CTNNA2: variants seen among roughly 807,000 people sequenced by gnomAD.
CTNNA2 encodes the protein catenin alpha-2.
A neutral mutation model predicts 101.0 loss-of-function variants in CTNNA2; 42 were observed. That is an observed-to-expected ratio of 0.42 (90% confidence interval 0.32 to 0.54). The LOEUF (loss-of-function observed/expected upper bound fraction) is 0.54, where lower values mean the gene tolerates loss of function less well. Ranked by LOEUF, CTNNA2 falls within the 20% of genes least tolerant of loss-of-function variation. The pLI is 0.14. For missense variants in CTNNA2, 871 were observed against 1,223.1 expected (o/e 0.71, Z 4.29); for synonymous variants, 450 against 456.4 (o/e 0.99, Z 0.18).
chr2:79,660,496 G>C (rs1426984452), intron 2 of CTNNA2, among the ~76,000 whole-genome samples: 1 of 151,632 alleles, frequency 6.6e-6, no homozygotes, highest in Non-Finnish European at 1.5e-5. Context: ...TATTTTTATT[G>C]TTTTATAAAT....
At chr2:79,748,909 G>A (rs979184322) in intron 3 of CTNNA2, among the ~76,000 whole-genome samples, 2 of 152,062 alleles carry the variant, frequency 1.3e-5, no homozygotes, top group Non-Finnish European at 2.9e-5. Flanking sequence ...CTCTGATGGG[G>A]ATGACGCCAG....
rs905023631 is a variant in CTNNA2, at chr2:79,395,218, C to T, written c.-135+21205C>T. ...CACCTTTCCTAAGGCCTTTCTTTGT[C>T]GTGAAAATATTGACAATATTTTCTT... On this transcript the variant is annotated intron_variant, in intron 4 of 21. Coordinates refer to the CTNNA2 transcript ENST00000466387. Among the ~76,000 whole-genome samples the T allele has an allele frequency of 2.0e-5, 3 of 152,000 alleles. No homozygotes were observed. The South Asian group carries it at 6.2e-4, about 32-fold the overall frequency.
intron 4 of CTNNA2, among the ~76,000 whole-genome samples, chr2:79,488,339 AAAAAC>A (rs1573189388): frequency 6.6e-6 from 1 of 151,296 alleles, no homozygotes. Context: ...AAAAAAAAAA[AAAAAC>A]ACAGTTCAAA....
chr2:80,472,370 T>A (rs1315597353), intron 9 of CTNNA2, among the ~76,000 whole-genome samples: 1 of 152,186 alleles, frequency 6.6e-6, no homozygotes, highest in East Asian at 1.9e-4. Flanking sequence ...GAAGACTGAC[T>A]TGGAGGGAGG....
intron 1 of CTNNA2, among the ~76,000 whole-genome samples, chr2:79,600,970 T>G (rs756870195): frequency 6.6e-6 from 1 of 152,232 alleles, no homozygotes; most frequent in East Asian, 1.9e-4. Flanking sequence ...TACCATCACA[T>G]TGTGGGCTAC....
Position 79,974,212 on chromosome 2 carries a change from T to A in CTNNA2, c.1056+64415T>A, listed in dbSNP as rs56806423. 6.3e-3 allele frequency among the ~76,000 whole-genome samples: 966 copies of A among 152,224 alleles called. 10 individuals carry two copies. The highest frequency in any genetic ancestry group is 0.02 in the African/African-American group (835 of 41,524). ...TTCTTTTAGTCTCAGTTTACCAATC[T>A]GTAAAATGGGGATAATAATAGAAGT... On this transcript the variant is annotated intron_variant, in intron 7 of 18. Coordinates refer to ENST00000402739, the MANE Select transcript of CTNNA2 (RefSeq NM_001282597.3).
intron 7 of CTNNA2, among the ~76,000 whole-genome samples, chr2:80,250,459 C>T (rs1476194753): frequency 6.6e-6 from 1 of 151,990 alleles, no homozygotes; most frequent in East Asian, 1.9e-4. Context: ...GATGGGAGTC[C>T]AGTGAAGACC....
At chr2:80,580,883 G>A (rs1695477389) in intron 13 of CTNNA2, among the ~76,000 whole-genome samples, 2 of 152,140 alleles carry the variant, frequency 1.3e-5, no homozygotes, top group South Asian at 2.1e-4. Flanking sequence ...AAGCATGATG[G>A]TGTACACCTG....
At chr2:80,394,045 G>T (rs919911089) in intron 8 of CTNNA2, among the ~76,000 whole-genome samples, 1 of 152,162 alleles carries the variant, frequency 6.6e-6, no homozygotes, top group Non-Finnish European at 1.5e-5. Flanking sequence ...CTGCCCAGGA[G>T]GGCAGAATCC....
intron 7 of CTNNA2, among the ~76,000 whole-genome samples, chr2:79,982,308 CAT>C (rs1199809557): frequency 4.3e-4 from 57 of 133,932 alleles, no homozygotes; most frequent in Non-Finnish European, 6.2e-4. Flanking sequence ...ATATATAAAA[CAT>C]ATATAACATA....
intron 2 of CTNNA2, among the ~76,000 whole-genome samples, chr2:79,264,619 G>A (rs1485474250): frequency 6.6e-6 from 1 of 152,082 alleles, no homozygotes. Flanking sequence ...GTCCTTCAAA[G>A]CCGTAGAACA....
At chr2:80,231,933 G>T (rs1709237387) in intron 7 of CTNNA2, among the ~76,000 whole-genome samples, 1 of 151,984 alleles carries the variant, frequency 6.6e-6, no homozygotes, top group African/African-American at 2.4e-5. Context: ...TGCCTCTAAG[G>T]GTGGCCACCT....
intron 7 of CTNNA2, among the ~76,000 whole-genome samples, chr2:80,331,694 A>G (rs1364459232): frequency 2.6e-5 from 4 of 152,156 alleles, no homozygotes; most frequent in Non-Finnish European, 5.9e-5. Flanking sequence ...GCTAGCAAAA[A>G]CCAAAAGGGC....
At chr2:79,600,375 G>T (rs778573502) in intron 1 of CTNNA2, among the ~76,000 whole-genome samples, 1 of 151,728 alleles carries the variant, frequency 6.6e-6, no homozygotes, top group South Asian at 2.1e-4. Context: ...ACAGGGTTTC[G>T]CCCTGTTGAC....
chr2:80,090,493 T>G (rs543625373), intron 7 of CTNNA2, among the ~76,000 whole-genome samples: 5 of 152,112 alleles, frequency 3.3e-5, no homozygotes, highest in Admixed American at 6.6e-5. Context: ...AGTTAGCTGT[T>G]GTTCATTTCT....
chr2:79,431,639 A>G (rs996888016), intron 4 of CTNNA2, among the ~76,000 whole-genome samples: 11 of 152,324 alleles, frequency 7.2e-5, no homozygotes, highest in Admixed American at 1.3e-4. Flanking sequence ...GACAGGGTAG[A>G]AAAATGGAAT....
intron 2 of CTNNA2, among the ~76,000 whole-genome samples, chr2:79,723,763 C>G (rs1304345864): frequency 6.6e-6 from 1 of 152,140 alleles, no homozygotes; most frequent in Non-Finnish European, 1.5e-5. Context: ...ACCCCCCGCT[C>G]TAATGGTTCG....
intron 3 of CTNNA2, among the ~76,000 whole-genome samples, chr2:79,770,500 G>T (rs368186334): frequency 6.5e-4 from 99 of 152,164 alleles, no homozygotes; most frequent in African/African-American, 2.3e-3. Flanking sequence ...ATAAGTAAAG[G>T]GTAACACTAA....
Position 80,041,285 on chromosome 2 carries a change from T to C in CTNNA2, c.1056+131488T>C, listed in dbSNP as rs555182773. Among the ~76,000 whole-genome samples the C allele has an allele frequency of 4.3e-4, 65 of 152,058 alleles. 2 individuals carry two copies. The South Asian group carries it at 0.013, about 30-fold the overall frequency. ...GTAATTTTTATTTTTTTTTTTTTAC[T>C]TATCGGCTACATGGAATATTTCCAA... On this transcript the variant is annotated intron_variant, in intron 7 of 18. Transcript: ENST00000402739.
Sources: gnomAD v4.1 joint callset for allele counts (sites outside exome capture counted in the v4.1 genomes callset) on GRCh38, gnomAD v4.1.1 for gene constraint, MANE v1.5 for transcripts, NCBI Gene and HGNC (gene_info 2026-07-23, HGNC 2026-07-21) for gene names.